Variants in KCNQ1 observed in about 807,000 individuals in gnomAD.
KCNQ1 encodes potassium voltage-gated channel subfamily KQT member 1.
A neutral mutation model predicts 72.4 loss-of-function variants in KCNQ1; 49 were observed. The ratio of observed to expected loss-of-function variants is 0.68; its 90% CI spans 0.54 to 0.86. The LOEUF (loss-of-function observed/expected upper bound fraction) is 0.86. Among genes scored for constraint, KCNQ1 ranks in the 40% least tolerant of loss-of-function variants. The pLI, the probability that KCNQ1 is intolerant of heterozygous loss-of-function variation, is 0.00. For missense variants in KCNQ1, 790 were observed against 945.1 expected (o/e 0.84, Z 2.15); for synonymous variants, 450 against 412.6 (o/e 1.09, Z -1.10).
intron 6 of KCNQ1, among the ~76,000 whole-genome samples, chr11:2,576,812 C>T (rs755407119): frequency 2.0e-5 from 3 of 152,232 alleles, no homozygotes; most frequent in Admixed American, 6.5e-5. Flanking sequence ...TCAGGAAGAG[C>T]TGGGGAAGCC....
chr11:2,463,355 T>G lies in KCNQ1; in HGVS notation c.386+17871T>G, dbSNP rs1185995792. Among the ~76,000 whole-genome samples the G allele has an allele frequency of 6.6e-6, 1 of 152,178 alleles. No individual in the cohort carries two copies. On this transcript the variant is annotated intron_variant, in intron 1 of 15. Coordinates refer to ENST00000155840, the MANE Select transcript of KCNQ1 (RefSeq NM_000218.3). This position sits in a 1 kb window ranked among gnomAD's most constrained non-coding sequence, Gnocchi z 7.0. ...CTGCTGAGGATACATTTGCCCCCTC[T>G]ATCCCCCAGATCGGCGGCTGCTCAA...
Position 2,651,053 on chromosome 11 carries a change from C to A in KCNQ1, c.1394-10908C>A. 1 of 398,882 alleles carries A rather than the reference C, an allele frequency of 2.5e-6. No homozygotes were observed. Among genetic ancestry groups the A allele is most frequent in the Non-Finnish European group, 4.4e-6 (1 of 226,242 alleles). 24.7% of individuals were successfully genotyped at this position (398,882 alleles called of 1,614,324 possible). A position where few individuals can be genotyped will look rare whatever the true frequency, so the allele number is the denominator to read the frequency against. On this transcript the variant is annotated intron_variant, in intron 10 of 15. Coordinates refer to ENST00000155840, the MANE Select transcript of KCNQ1 (RefSeq NM_000218.3). The surrounding 1 kb of genome is among the most constrained non-coding windows in gnomAD (Gnocchi z 6.1). ...GTTAAAACCACCACCATTTCTCTGC[C>A]TACATTGTTGTCCATACCTCATTAC...
chr11:2,843,217 C>T (rs937774616), intron 15 of KCNQ1, among the ~76,000 whole-genome samples: 1 of 152,244 alleles, frequency 6.6e-6, no homozygotes, highest in Non-Finnish European at 1.5e-5. Flanking sequence ...CAAACACAAT[C>T]GCTCCATGCC....
Position 2,647,016 on chromosome 11 carries a change from T to TA in KCNQ1, c.1394-14944dup, listed in dbSNP as rs1849676767. ...TAATTGTTCTGGTGAGGACTTTTCT[T>TA]ACTCTGCTGAATAAGAATAGTGAAA... On this transcript the variant is annotated intron_variant, in intron 10 of 15. Coordinates refer to ENST00000155840, the MANE Select transcript of KCNQ1 (RefSeq NM_000218.3). The surrounding 1 kb of genome is among the most constrained non-coding windows in gnomAD (Gnocchi z 4.0). The TA allele has an allele frequency of 1.3e-5, 5 of 398,620 alleles. No homozygotes were observed. Among genetic ancestry groups the TA allele is most frequent in the Non-Finnish European group, 2.2e-5 (5 of 226,056 alleles). The allele number at this position is 398,620 out of a possible 1,614,324, so 24.7% of individuals were successfully genotyped here. A position where few individuals can be genotyped will look rare whatever the true frequency, so the allele number is the denominator to read the frequency against.
chr11:2,839,830 C>G (rs1848165056), intron 15 of KCNQ1: 1 of 152,190 alleles, frequency 6.6e-6, no homozygotes, highest in Non-Finnish European at 1.5e-5. Context: ...TGGGTTCCAG[C>G]TCCCGTCGCC....
chr11:2,618,420 C>T (rs1849105388), intron 10 of KCNQ1: 1 of 398,532 alleles, frequency 2.5e-6, no homozygotes, highest in Non-Finnish European at 4.4e-6. Context: ...TTGGACAAGC[C>T]ACAGAACTGG....
Position 2,848,062 on chromosome 11 carries a change from C to T in KCNQ1, c.*59C>T, listed in dbSNP as rs534954431. 2.8e-6 allele frequency: 4 copies of T among 1,420,672 alleles called. No homozygotes were observed. In the African/African-American group the frequency reaches 4.2e-5, roughly 15 times the overall value. 88.0% of individuals were successfully genotyped at this position (1,420,672 alleles called of 1,614,324 possible). ...AGAGGGGAGGCCAAGAGTGGCCCCACCTGGCCCTCTCTGAAGGAGGCCACC... is the reference window on the plus strand; with the variant it reads ...AGAGGGGAGGCCAAGAGTGGCCCCATCTGGCCCTCTCTGAAGGAGGCCACC... On this transcript the variant is annotated 3_prime_UTR_variant, in exon 16 of 16. Transcript: ENST00000155840.
chr11:2,600,132 T>C lies in KCNQ1; in HGVS notation c.1393+11278T>C, dbSNP rs2133775377. 6.6e-6 allele frequency among the ~76,000 whole-genome samples: 1 copy of C among 152,310 alleles called. No homozygotes were observed. Among genetic ancestry groups the C allele is most frequent in the Non-Finnish European group, 1.5e-5 (1 of 68,024 alleles). The stretch of plus-strand genomic sequence containing the variant: ...CCACTGTACCTCTATTGAAATCTAG[T>C]GCCGGATAATTCTTTGTTGAGGGAG... On this transcript the variant is annotated intron_variant, in intron 10 of 15. Transcript: ENST00000155840. This position sits in a 1 kb window ranked among gnomAD's most constrained non-coding sequence, Gnocchi z 5.6.
chr11:2,675,659 G>A (rs2073955), intron 11 of KCNQ1: 7 of 398,492 alleles, frequency 1.8e-5, no homozygotes, highest in African/African-American at 4.1e-5. Flanking sequence ...CTAGGAGCCC[G>A]CCCAGGGCCT....
At chr11:2,616,205 T>G (rs932752699) in intron 10 of KCNQ1, 3 of 389,468 alleles carry the variant, frequency 7.7e-6, no homozygotes, top group African/African-American at 6.4e-5. Context: ...CCCACTTTTG[T>G]TTTTTTTTCT....
chr11:2,776,765 C>A (rs1272254947), intron 13 of KCNQ1, among the ~76,000 whole-genome samples: 1 of 152,212 alleles, frequency 6.6e-6, no homozygotes, highest in Non-Finnish European at 1.5e-5. Context: ...AGGCAGCCCA[C>A]CGACTCCCCC....
intron 10 of KCNQ1, chr11:2,638,886 C>T (rs1849523580): frequency 6.6e-6 from 1 of 152,190 alleles, no homozygotes; most frequent in Non-Finnish European, 1.5e-5. Flanking sequence ...CACATAGTCC[C>T]ATATTTCTTG....
chr11:2,701,501 C>T (rs973371297), intron 11 of KCNQ1, among the ~76,000 whole-genome samples: 1 of 152,214 alleles, frequency 6.6e-6, no homozygotes, highest in Non-Finnish European at 1.5e-5. Context: ...AGCTGTGCAA[C>T]CAGTGCCATC....
chr11:2,794,947 A>G (rs1481895615), intron 15 of KCNQ1, among the ~76,000 whole-genome samples: 1 of 152,184 alleles, frequency 6.6e-6, no homozygotes, highest in African/African-American at 2.4e-5. Flanking sequence ...TAGAGTGGGT[A>G]TAGCTCATCA....
rs1454182651 is a variant in KCNQ1, at chr11:2,468,306, C to G, written c.386+22822C>G. On this transcript the variant is annotated intron_variant, in intron 1 of 15. Coordinates refer to ENST00000155840, the MANE Select transcript of KCNQ1 (RefSeq NM_000218.3). The surrounding 1 kb of genome is among the most constrained non-coding windows in gnomAD (Gnocchi z 5.7). The stretch of plus-strand genomic sequence containing the variant: ...GGACTACAGATGCACACCACCACGC[C>G]TGGCTAATTTTTGTATTTTTTGTAG... 6.6e-6 allele frequency among the ~76,000 whole-genome samples: 1 copy of G among 152,168 alleles called. No individual in the cohort carries two copies. The highest frequency in any genetic ancestry group is 1.5e-5 in the Non-Finnish European group (1 of 68,028).
rs536944316 is a variant in KCNQ1 at position 2,845,234 on chromosome 11, G to T, written c.1795-2533G>T. Among the ~76,000 whole-genome samples, 24 of 152,170 alleles carry T rather than the reference G, an allele frequency of 1.6e-4. No individual in the cohort carries two copies. The South Asian group carries it at 3.1e-3, about 20-fold the overall frequency. On this transcript the variant is annotated intron_variant, in intron 15 of 15. Coordinates refer to ENST00000155840, the MANE Select transcript of KCNQ1 (RefSeq NM_000218.3). The stretch of plus-strand genomic sequence containing the variant: ...CCGCCCCACCCTGCCCTCTGCTTTC[G>T]CCGGCTCCCTACCTGACACACTGTG...
rs1056312360 is a variant in KCNQ1 at position 2,713,264 on chromosome 11, G to A, written c.1514+51183G>A. Among the ~76,000 whole-genome samples the A allele has an allele frequency of 6.6e-6, 1 of 152,126 alleles. No individual in the cohort carries two copies. On this transcript the variant is annotated intron_variant, in intron 11 of 15. Transcript: ENST00000155840. This position sits in a 1 kb window ranked among gnomAD's most constrained non-coding sequence, Gnocchi z 5.6. ...GCATCCCGCTCCTCCTCCGCTCCCTGGAAACGTTCCCTGAATCACATTGTT... is the reference window on the plus strand; with the variant it reads ...GCATCCCGCTCCTCCTCCGCTCCCTAGAAACGTTCCCTGAATCACATTGTT...
rs1388836605 is a variant in KCNQ1 at position 2,652,967 on chromosome 11, T to C, written c.1394-8994T>C. 5.0e-5 allele frequency: 20 copies of C among 398,544 alleles called. No individual in the cohort carries two copies. The highest frequency in any genetic ancestry group is 8.0e-5 in the Non-Finnish European group (18 of 226,082). The allele number at this position is 398,544 out of a possible 1,614,324, so 24.7% of individuals were successfully genotyped here. ...CTGGGACTTCTCAGGATTCCGGAAG[T>C]CATCTTTGACTGTGTCACATCACTG... On this transcript the variant is annotated intron_variant, in intron 10 of 15. Coordinates refer to ENST00000155840, the MANE Select transcript of KCNQ1 (RefSeq NM_000218.3). The surrounding 1 kb of genome is among the most constrained non-coding windows in gnomAD (Gnocchi z 5.9).
rs543773415 is a variant in KCNQ1 at position 2,678,916 on chromosome 11, C to A, written c.1514+16835C>A. ...TCGTATACATGTATGATCATACTTT[C>A]AGGGCATCTTGGAAAAACTGAATTT... On this transcript the variant is annotated intron_variant, in intron 11 of 15. Coordinates refer to ENST00000155840, the MANE Select transcript of KCNQ1 (RefSeq NM_000218.3). The surrounding 1 kb of genome is among the most constrained non-coding windows in gnomAD (Gnocchi z 4.9). The A allele has an allele frequency of 2.3e-5, 9 of 398,572 alleles. No homozygotes were observed. 24.7% of individuals were successfully genotyped at this position (398,572 alleles called of 1,614,324 possible).
Sources: allele counts gnomAD v4.1 joint callset (sites outside exome capture counted in the v4.1 genomes callset), GRCh38; gene constraint gnomAD v4.1.1; non-coding constraint Gnocchi (gnomAD v3.1); transcripts MANE v1.5; gene names NCBI Gene and HGNC (gene_info 2026-07-23, HGNC 2026-07-21).